The following MIB1 variants were observed in gnomAD, a reference collection of about 807,000 sequenced individuals.
The protein encoded by MIB1 is E3 ubiquitin-protein ligase MIB1.
In MIB1, 278 loss-of-function variants were observed where a neutral mutation model predicts 124.5. That is an observed-to-expected ratio of 2.23 (90% CI 2.02 to 2.47). The LOEUF (loss-of-function observed/expected upper bound fraction) is 2.47. Among genes scored for constraint, MIB1 ranks in the 30% most tolerant of loss-of-function variants. The probability of loss-of-function intolerance (pLI) is 0.00; values close to 1 mark genes in which losing one functional copy is unlikely to be tolerated. For missense variants in MIB1, 957 were observed against 1,254.4 expected, an observed-to-expected ratio of 0.76 and a Z score of 3.58; for synonymous variants, 446 against 429.4, an observed-to-expected ratio of 1.04 and a Z score of -0.48.
intron 8 of MIB1, among the ~76,000 whole-genome samples, chr18:21,799,621 T>G (rs1486920537): frequency 6.6e-6 from 1 of 152,078 alleles, no homozygotes; most frequent in Non-Finnish European, 1.5e-5. Context: ...AAAATTATAA[T>G]TTGATATACA....
intron 1 of MIB1, among the ~76,000 whole-genome samples, chr18:21,711,310 C>G (rs1453974554): frequency 6.6e-6 from 1 of 151,912 alleles, no homozygotes; most frequent in Non-Finnish European, 1.5e-5. Context: ...GAAATGGAGT[C>G]TCACTCTGTC....
At chr18:21,751,478 C>A (rs572777285) in intron 1 of MIB1, among the ~76,000 whole-genome samples, 2 of 151,958 alleles carry the variant, frequency 1.3e-5, no homozygotes, top group Non-Finnish European at 2.9e-5. Context: ...CCAGGCTGGT[C>A]TCTGGAGCTC....
intron 12 of MIB1, among the ~76,000 whole-genome samples, chr18:21,833,776 A>G (rs903103518): frequency 1.3e-5 from 2 of 152,182 alleles, no homozygotes; most frequent in Non-Finnish European, 2.9e-5. Flanking sequence ...TTTGAATACT[A>G]TCATGTGCCA....
chr18:21,840,690 G>T (rs2042080506), intron 13 of MIB1, among the ~76,000 whole-genome samples: 1 of 141,634 alleles, frequency 7.1e-6, no homozygotes. Context: ...TAATTAGCTG[G>T]GTGTGGTGGC....
At chr18:21,852,197 A>G (rs1393581981) in intron 17 of MIB1, among the ~76,000 whole-genome samples, 1 of 152,254 alleles carries the variant, frequency 6.6e-6, no homozygotes, top group Non-Finnish European at 1.5e-5. Flanking sequence ...CAGGAATGTC[A>G]GTGTCTTGAT....
chr18:21,869,193 A>G lies in MIB1; in HGVS notation c.*4527A>G, dbSNP rs893770068. The G allele has an allele frequency of 2.6e-5, 4 of 152,444 alleles. No individual in the cohort carries two copies. Among genetic ancestry groups the G allele is most frequent in the African/African-American group, 7.2e-5 (3 of 41,442 alleles). The allele number at this position is 152,444 out of a possible 1,614,324, so 9.4% of individuals were successfully genotyped here. ...GTACAAAATGTCTAAGAAAGGTCAT[A>G]TGCTGAATATTTTACTTTTCCTGTA... On this transcript the variant is annotated 3_prime_UTR_variant, in exon 21 of 21. Transcript: ENST00000261537.
chr18:21,779,462 A>C lies in MIB1; in HGVS notation c.704-19A>C, dbSNP rs146433856. ...TGAGGTTTTTTTCTCCCTTTATTCA[A>C]TTGCCTCTGAAATTACAGGTGAGCA... On this transcript the variant is annotated intron_variant, in intron 5 of 20. Coordinates refer to ENST00000261537, the MANE Select transcript of MIB1 (RefSeq NM_020774.4). 5.1e-5 allele frequency: 82 copies of C among 1,609,058 alleles called. No homozygotes were observed. The East Asian group carries it at 1.7e-3, about 34-fold the overall frequency.
chr18:21,737,242 A>C (rs1196649821), upstream of MIB1, among the ~76,000 whole-genome samples: 1 of 152,224 alleles, frequency 6.6e-6, no homozygotes, highest in African/African-American at 2.4e-5. Flanking sequence ...ATTCTTAAAG[A>C]AAAGAATTTT....
chr18:21,781,010 TC>T (rs1372321524), intron 6 of MIB1, among the ~76,000 whole-genome samples: 1 of 152,190 alleles, frequency 6.6e-6, no homozygotes, highest in Admixed American at 6.6e-5. Flanking sequence ...CTACAGGTGT[TC>T]CCCTTTTCGT....
chr18:21,807,231 G>C (rs926971691), intron 10 of MIB1, among the ~76,000 whole-genome samples: 1 of 152,186 alleles, frequency 6.6e-6, no homozygotes, highest in Non-Finnish European at 1.5e-5. Flanking sequence ...AGGAGTTCAA[G>C]ACCAGCCTGG....
Position 21,843,235 on chromosome 18 carries a change from A to G in MIB1, c.2049+18A>G, listed in dbSNP as rs752537951. The G allele has an allele frequency of 5.9e-6, 9 of 1,515,770 alleles. No individual in the cohort carries two copies. In the East Asian group the frequency reaches 1.2e-4, roughly 20 times the overall value. 93.9% of individuals were successfully genotyped at this position (1,515,770 alleles called of 1,614,324 possible). A position where few individuals can be genotyped will look rare whatever the true frequency, so the allele number is the denominator to read the frequency against. On this transcript the variant is annotated intron_variant, in intron 14 of 20. Coordinates refer to ENST00000261537, the MANE Select transcript of MIB1 (RefSeq NM_020774.4). ...TTGTTAGGGTAAAGTATTGACATAC[A>G]TTTTAGCTTATAATTACATTTTAAC...
At chr18:21,829,682 T>C (rs1049288107) in intron 12 of MIB1, among the ~76,000 whole-genome samples, 2 of 152,036 alleles carry the variant, frequency 1.3e-5, no homozygotes, top group African/African-American at 4.8e-5. Context: ...ATTTGAAAAT[T>C]TGTCATTCTT....
intron 10 of MIB1, among the ~76,000 whole-genome samples, chr18:21,813,427 T>C (rs1440766614): frequency 1.3e-5 from 2 of 152,076 alleles, no homozygotes; most frequent in South Asian, 4.2e-4. Context: ...TTGAGAGAGG[T>C]GCCAAATCCT....
intron 12 of MIB1, among the ~76,000 whole-genome samples, chr18:21,836,492 C>G (rs1431594056): frequency 1.3e-5 from 2 of 152,084 alleles, no homozygotes; most frequent in Admixed American, 1.3e-4. Context: ...TCCCTCCTTA[C>G]CCCTTTTTTG....
In MIB1 at chr18:21,741,858, G is replaced by C. The variant is rs965909596; in HGVS notation, c.229+46G>C. 30 of 1,489,974 alleles carry C rather than the reference G, an allele frequency of 2.0e-5. No homozygotes were observed. Among genetic ancestry groups the C allele is most frequent in the Non-Finnish European group, 2.7e-5 (30 of 1,109,686 alleles). 92.3% of individuals were successfully genotyped at this position (1,489,974 alleles called of 1,614,324 possible). On this transcript the variant is annotated intron_variant, in intron 1 of 20. Transcript: ENST00000261537. This position sits in a 1 kb window ranked among gnomAD's most constrained non-coding sequence, Gnocchi z 5.4. Reference sequence around the variant, plus strand: ...CAGGGCTTGCGCGCGCGGGGGGAAGGGGCGAGCTGCGGTGGGCGTCGGTGT... The same window carrying C: ...CAGGGCTTGCGCGCGCGGGGGGAAGCGGCGAGCTGCGGTGGGCGTCGGTGT...
chr18:21,715,885 G>A (rs1228046100), intron 1 of MIB1, among the ~76,000 whole-genome samples: 1 of 152,170 alleles, frequency 6.6e-6, no homozygotes, highest in African/African-American at 2.4e-5. Flanking sequence ...CCAAACTTAA[G>A]AATAATTGGT....
intron 4 of MIB1, among the ~76,000 whole-genome samples, chr18:21,774,253 A>G (rs554337243): frequency 5.8e-4 from 89 of 152,336 alleles, no homozygotes; most frequent in Admixed American, 3.2e-3. Flanking sequence ...GGTTTATTCA[A>G]TGAGTTGTCC....
Position 21,868,764 on chromosome 18 carries a change from A to G in MIB1, c.*4098A>G. 1 of 152,478 alleles carries G rather than the reference A, an allele frequency of 6.6e-6. No individual in the cohort carries two copies. The highest frequency in any genetic ancestry group is 1.9e-4 in the East Asian group (1 of 5,202). 9.4% of individuals were successfully genotyped at this position (152,478 alleles called of 1,614,324 possible). The stretch of plus-strand genomic sequence containing the variant: ...AATTTAACATATATATAACTATAGC[A>G]GTATTAATAATGATAGTTGTACTTC... On this transcript the variant is annotated 3_prime_UTR_variant, in exon 21 of 21. Transcript: ENST00000261537.
intron 7 of MIB1, among the ~76,000 whole-genome samples, chr18:21,792,581 A>G (rs1368070577): frequency 6.6e-6 from 1 of 152,226 alleles, no homozygotes; most frequent in African/African-American, 2.4e-5. Context: ...ATAGTGAACA[A>G]TACAGAAAAA....
Sources: allele counts gnomAD v4.1 joint callset (sites outside exome capture counted in the v4.1 genomes callset), GRCh38; gene constraint gnomAD v4.1.1; non-coding constraint Gnocchi (gnomAD v3.1); transcripts MANE v1.5; gene names NCBI Gene and HGNC (gene_info 2026-07-23, HGNC 2026-07-21).